The following ELAVL3 variants were observed in gnomAD, a reference collection of about 807,000 sequenced individuals.
The protein encoded by ELAVL3 is ELAV like RNA binding protein 3, also known as ELAV-like protein 3.
A neutral mutation model predicts 34.2 loss-of-function variants in ELAVL3; 8 were observed. That is an observed-to-expected ratio of 0.23 (90% confidence interval 0.14 to 0.42). ELAVL3 has a LOEUF of 0.42. Among genes scored for constraint, ELAVL3 ranks in the 10% least tolerant of loss-of-function variants. ELAVL3 has a pLI of 1.00. For synonymous variants in ELAVL3, 209 were observed against 222.1 expected (o/e 0.94, Z 0.53); for missense variants, 273 against 518.8 (o/e 0.53, Z 4.60).
intron 3 of ELAVL3, among the ~76,000 whole-genome samples, chr19:11,464,165 ATAT>A (rs749343558): frequency 2.7e-4 from 30 of 111,050 alleles, no homozygotes; most frequent in East Asian, 1.3e-3. Flanking sequence ...ATATATATAT[ATAT>A]TTTTTTTTTT....
In ELAVL3 at chr19:11,454,409, G is replaced by A. The variant is rs1224632060; in HGVS notation, c.*117C>T. 1.4e-5 allele frequency: 15 copies of A among 1,050,560 alleles called. No individual in the cohort carries two copies. Among genetic ancestry groups the A allele is most frequent in the South Asian group, 8.3e-5 (5 of 59,906 alleles). The allele number at this position is 1,050,560 out of a possible 1,614,324, so 65.1% of individuals were successfully genotyped here. ...TTCCGCAGGGACGTGGGGCCCTCGCGTCGTCCGTGGGGCTGCCTGTGCTGT... is the reference window on the plus strand; with the variant it reads ...TTCCGCAGGGACGTGGGGCCCTCGCATCGTCCGTGGGGCTGCCTGTGCTGT... On this transcript the variant is annotated 3_prime_UTR_variant, in exon 7 of 7. Coordinates refer to ENST00000359227, the MANE Select transcript of ELAVL3 (RefSeq NM_001420.4). The surrounding 1 kb of genome is among the most constrained non-coding windows in gnomAD (Gnocchi z 9.2).
chr19:11,466,281 G>T lies in ELAVL3; in HGVS notation c.230-6C>A, dbSNP rs1971050837. 1 of 1,613,074 alleles carries T rather than the reference G, an allele frequency of 6.2e-7. No homozygotes were observed. The highest frequency in any genetic ancestry group is 8.5e-7 in the Non-Finnish European group (1 of 1,179,512). The stretch of plus-strand genomic sequence containing the variant: ...CCCGTAGCCAAGGCTCTGCCCTGTG[G>T]GCAGAACCAGAATGATGACCTTCCC... On this transcript the variant is annotated splice_polypyrimidine_tract_variant and splice_region_variant and intron_variant, in intron 2 of 6. Transcript: ENST00000359227. The surrounding 1 kb of genome is among the most constrained non-coding windows in gnomAD (Gnocchi z 5.0).
chr19:11,457,400 C>T (rs1053083202), intron 5 of ELAVL3, among the ~76,000 whole-genome samples: 8 of 152,188 alleles, frequency 5.3e-5, no homozygotes, highest in South Asian at 2.1e-4. Context: ...TCCTGGCTGG[C>T]GGGTCCCCTC....
At position 11,457,210 on chromosome 19, in the gene ELAVL3, G is replaced by A. The variant is rs555350420; in HGVS notation, c.714-62C>T. The A allele has an allele frequency of 5.4e-5, 80 of 1,494,632 alleles. No individual in the cohort carries two copies. In the African/African-American group the frequency reaches 6.4e-4, roughly 12 times the overall value. The allele number at this position is 1,494,632 out of a possible 1,614,324, so 92.6% of individuals were successfully genotyped here. ...AGTCACGCCCCCCTGCTGTGACACC[G>A]TCGGCCTGCCCTCCCCACCCCCACC... On this transcript the variant is annotated intron_variant, in intron 5 of 6. Coordinates refer to ENST00000359227, the MANE Select transcript of ELAVL3 (RefSeq NM_001420.4).
At chr19:11,473,498 T>C (rs1971206842) in intron 1 of ELAVL3, among the ~76,000 whole-genome samples, 1 of 152,238 alleles carries the variant, frequency 6.6e-6, no homozygotes, top group Admixed American at 6.5e-5. Context: ...GTACATATTA[T>C]CTCAACCATC....
At chr19:11,460,980 A>G (rs311777) in intron 3 of ELAVL3, among the ~76,000 whole-genome samples, 41,733 of 131,088 alleles carry the variant, frequency 0.32, 9,948 homozygotes, top group African/African-American at 0.68. Flanking sequence ...AGCAAGACTC[A>G]CCCCCGTCCT....
chr19:11,457,789 G>T (rs1343951253), intron 5 of ELAVL3, among the ~76,000 whole-genome samples: 4 of 152,246 alleles, frequency 2.6e-5, no homozygotes, highest in Non-Finnish European at 1.5e-5. Context: ...CAGAGCTACA[G>T]CCACGTGCCC....
At chr19:11,475,769 A>G (rs1157383683) in intron 1 of ELAVL3, among the ~76,000 whole-genome samples, 1 of 151,880 alleles carries the variant, frequency 6.6e-6, no homozygotes, top group African/African-American at 2.4e-5. Context: ...GCGCACCACC[A>G]TGCACAGTGA....
At chr19:11,475,961 A>G (rs1971255349) in intron 1 of ELAVL3, among the ~76,000 whole-genome samples, 1 of 152,076 alleles carries the variant, frequency 6.6e-6, no homozygotes, top group African/African-American at 2.4e-5. Context: ...GCTCCCCTGC[A>G]TCTCCAATTG....
In ELAVL3 at chr19:11,458,291, CA is replaced by C. The variant is rs762271998; in HGVS notation, c.488-6del. On this transcript the variant is annotated splice_region_variant and splice_polypyrimidine_tract_variant and intron_variant, in intron 4 of 6. Coordinates refer to ENST00000359227, the MANE Select transcript of ELAVL3 (RefSeq NM_001420.4). This position sits in a 1 kb window ranked among gnomAD's most constrained non-coding sequence, Gnocchi z 7.3. ...ATCCCACACCCCGAGAGACACCTGC[CA>C]GGGGGCAGGGATGTCCATCACGACG... The C allele has an allele frequency of 5.6e-6, 9 of 1,613,448 alleles. No individual in the cohort carries two copies. The highest frequency in any genetic ancestry group is 2.7e-5 in the African/African-American group (2 of 75,074).
chr19:11,479,301 C>A (rs1278487221), intron 1 of ELAVL3, among the ~76,000 whole-genome samples: 1 of 152,098 alleles, frequency 6.6e-6, no homozygotes, highest in East Asian at 1.9e-4. Flanking sequence ...TTTCTCAGAG[C>A]CAGGTGGGCG....
intron 3 of ELAVL3, among the ~76,000 whole-genome samples, chr19:11,465,228 TACACACC>T (rs1971018918): frequency 1.3e-5 from 1 of 77,210 alleles, no homozygotes; most frequent in African/African-American, 4.9e-5. Flanking sequence ...ACCACACACA[TACACACC>T]GCACACCACA....
chr19:11,457,072 G>A, intron 6 of ELAVL3, 38 bp downstream of exon 6: 4 of 1,470,838 alleles, frequency 2.7e-6, no homozygotes, highest in Non-Finnish European at 3.6e-6. Flanking sequence ...GGGCATGGAT[G>A]GTGAGGGGTG....
chr19:11,470,164 G>A (rs1971135357), intron 1 of ELAVL3, among the ~76,000 whole-genome samples: 1 of 152,072 alleles, frequency 6.6e-6, no homozygotes, highest in Non-Finnish European at 1.5e-5. Flanking sequence ...AGACTAGCCT[G>A]GCCAATATGG....
chr19:11,469,769 A>G (rs1971126877), intron 1 of ELAVL3, among the ~76,000 whole-genome samples: 1 of 151,784 alleles, frequency 6.6e-6, no homozygotes, highest in South Asian at 2.1e-4. Flanking sequence ...CTAAAATGGT[A>G]GAAGTTGGCT....
intron 1 of ELAVL3, among the ~76,000 whole-genome samples, chr19:11,475,778 G>T (rs752992301): frequency 3.9e-5 from 6 of 151,962 alleles, no homozygotes; most frequent in Non-Finnish European, 8.8e-5. Context: ...CATGCACAGT[G>T]AATTTTTTGT....
Position 11,458,274 on chromosome 19 carries a change from C to A in ELAVL3, c.500G>T (p.Gly167Val). ...CTTGTCAAAGCGGATGAATCCCACA[C>A]CCCGAGAGACACCTGCCAGGGGGCA... ...LVDQVTGVSR[G>V]VGFIRFDKRI... The change falls in exon 5 of 7, where the codon GGT (glycine) becomes GTT (valine). Residue 167 changes from glycine (G) to valine (V), a missense_variant. This residue lies in a region of ELAVL3 where 102 missense variants were observed against 250.1 expected (regional missense o/e 0.41). Coordinates refer to ENST00000359227, the MANE Select transcript of ELAVL3 (RefSeq NM_001420.4). The surrounding 1 kb of genome is among the most constrained non-coding windows in gnomAD (Gnocchi z 7.3). 1 of 1,613,782 alleles carries A rather than the reference C, an allele frequency of 6.2e-7. No homozygotes were observed. The highest frequency in any genetic ancestry group is 8.5e-7 in the Non-Finnish European group (1 of 1,180,006).
At position 11,466,815 on chromosome 19, in the gene ELAVL3, C is replaced by T. The variant is rs1353110639; in HGVS notation, c.22G>A (p.Ala8Thr). 6.2e-7 allele frequency: 1 copy of T among 1,605,982 alleles called. No homozygotes were observed. Among genetic ancestry groups the T allele is most frequent in the African/African-American group, 1.3e-5 (1 of 74,858 alleles). Residue 8 changes from alanine to threonine, a missense_variant, in exon 2 of 7, where the codon GCC becomes ACC. By Grantham distance (58) the Ala-to-Thr change is moderately conservative (BLOSUM62 0). Transcript: ENST00000359227. The surrounding 1 kb of genome is among the most constrained non-coding windows in gnomAD (Gnocchi z 5.0). ...CCCCCCCCCACCTGAGACTCCATGG[C>T]CCCCAGTATCTGCTGGAGATAACAG... MVTQILG[A>T]MESQVGGGPA...
At chr19:11,462,961 C>CAAAA (rs1169791063) in intron 3 of ELAVL3, among the ~76,000 whole-genome samples, 2 of 72,976 alleles carry the variant, frequency 2.7e-5, no homozygotes, top group Non-Finnish European at 6.6e-5. Flanking sequence ...GACTCCGTCT[C>CAAAA]AAAAAAAAAA....
Sources: allele counts gnomAD v4.1 joint callset (sites outside exome capture counted in the v4.1 genomes callset), GRCh38; gene constraint gnomAD v4.1.1; regional missense constraint gnomAD v4.1.1; non-coding constraint Gnocchi (gnomAD v3.1); transcripts MANE v1.5; gene names NCBI Gene and HGNC (gene_info 2026-07-23, HGNC 2026-07-21).